NUBPL: variants seen among roughly 807,000 people sequenced by gnomAD.
NUBPL encodes NUBP iron-sulfur cluster assembly factor, mitochondrial.
Under a neutral mutation model 45.7 loss-of-function variants are expected in NUBPL, and 31 were observed. That is an observed-to-expected ratio of 0.68 (90% confidence interval 0.51 to 0.92). The LOEUF (loss-of-function observed/expected upper bound fraction) is 0.92, where lower values mean the gene tolerates loss of function less well. NUBPL is among the 40% of genes least tolerant of loss of function. The pLI, the probability that NUBPL is intolerant of heterozygous loss-of-function variation, is 0.00. For missense variants in NUBPL, 401 were observed against 398.7 expected (o/e 1.01, Z -0.05); for synonymous variants, 144 against 140.9 (o/e 1.02, Z -0.15).
intron 4 of NUBPL, among the ~76,000 whole-genome samples, chr14:31,613,879 A>G (rs943098171): frequency 2.0e-5 from 3 of 152,128 alleles, no homozygotes; most frequent in South Asian, 4.1e-4. Context: ...AAATATATAC[A>G]TACTATGTAC....
chr14:31,718,214 A>G (rs2037731651), intron 6 of NUBPL, among the ~76,000 whole-genome samples: 1 of 152,140 alleles, frequency 6.6e-6, no homozygotes, highest in South Asian at 2.1e-4. Context: ...CTGCTATCTC[A>G]CTGTTTGACC....
intron 10 of NUBPL, among the ~76,000 whole-genome samples, chr14:31,856,681 C>T (rs571127864): frequency 1.2e-4 from 18 of 152,190 alleles, no homozygotes; most frequent in Non-Finnish European, 2.2e-4. Context: ...AAAGGGGCTA[C>T]AGGCCCCATG....
At chr14:31,579,502 G>A (rs1441787881) in intron 3 of NUBPL, among the ~76,000 whole-genome samples, 1 of 152,128 alleles carries the variant, frequency 6.6e-6, no homozygotes, top group African/African-American at 2.4e-5. Context: ...AATAACAAAT[G>A]CTAATTTTCC....
chr14:31,681,864 G>A lies in NUBPL; in HGVS notation c.513+8290G>A, dbSNP rs1401052632. Among the ~76,000 whole-genome samples the A allele has an allele frequency of 2.0e-5, 3 of 152,128 alleles. No homozygotes were observed. In the East Asian group the frequency reaches 5.8e-4, roughly 29 times the overall value. On this transcript the variant is annotated intron_variant, in intron 6 of 10. Transcript: ENST00000281081. Reference sequence around the variant, plus strand: ...TAACTTAATGGCATTGATTTCTAGTGTAATTTTGTTTTGGCTAGAGAATAC... The same window carrying A: ...TAACTTAATGGCATTGATTTCTAGTATAATTTTGTTTTGGCTAGAGAATAC...
chr14:31,649,932 T>C (rs562980705), intron 4 of NUBPL, among the ~76,000 whole-genome samples: 1 of 152,282 alleles, frequency 6.6e-6, no homozygotes, highest in Non-Finnish European at 1.5e-5. Context: ...CAATCTCCGC[T>C]CACTGCAACC....
intron 6 of NUBPL, among the ~76,000 whole-genome samples, chr14:31,707,501 C>G (rs1450441682): frequency 6.6e-6 from 1 of 152,190 alleles, no homozygotes; most frequent in Non-Finnish European, 1.5e-5. Context: ...GACTTTTTGT[C>G]TCTCTGGTTC....
chr14:31,787,014 G>A (rs1395226913), intron 6 of NUBPL, among the ~76,000 whole-genome samples: 1 of 152,196 alleles, frequency 6.6e-6, no homozygotes, highest in East Asian at 1.9e-4. Flanking sequence ...AAAGAGAGAA[G>A]TGGGTGTGTT....
At chr14:31,576,151 A>G (rs2033711290) in intron 3 of NUBPL, among the ~76,000 whole-genome samples, 1 of 152,208 alleles carries the variant, frequency 6.6e-6, no homozygotes, top group Non-Finnish European at 1.5e-5. Context: ...TGACATCTAC[A>G]CACACACTTT....
chr14:31,703,800 G>A (rs571822549), intron 6 of NUBPL, among the ~76,000 whole-genome samples: 47 of 152,288 alleles, frequency 3.1e-4, no homozygotes, highest in African/African-American at 1.1e-3. Context: ...GGGCTCAATC[G>A]CCCAATACCT....
intron 8 of NUBPL, among the ~76,000 whole-genome samples, chr14:31,840,575 C>CA (rs1179425932): frequency 0.16 from 14,122 of 90,812 alleles, 957 homozygotes; most frequent in Middle Eastern, 0.23. Flanking sequence ...CTCCACATCT[C>CA]AAAAAAAAAA....
At chr14:31,597,880 A>C (rs2139551454) in intron 3 of NUBPL, among the ~76,000 whole-genome samples, 1 of 152,248 alleles carries the variant, frequency 6.6e-6, no homozygotes, top group East Asian at 1.9e-4. Context: ...AGGTCCCCTC[A>C]TTTGAAAATC....
chr14:31,615,627 T>A, intron 4 of NUBPL, among the ~76,000 whole-genome samples: 1 of 152,224 alleles, frequency 6.6e-6, no homozygotes, highest in East Asian at 1.9e-4. Context: ...GGACATGAAC[T>A]CACCTTCTTT....
chr14:31,818,898 A>G (rs922142251), intron 7 of NUBPL, among the ~76,000 whole-genome samples: 1 of 152,202 alleles, frequency 6.6e-6, no homozygotes, highest in Non-Finnish European at 1.5e-5. Flanking sequence ...GAGCAAAATA[A>G]TGATTCATTT....
At position 31,804,401 on chromosome 14, in the gene NUBPL, T is replaced by G. The variant is rs183953805; in HGVS notation, c.607+16528T>G. ...AAGTATGACATGAAAAGGAGCAGGA[T>G]TTTAAAAGCTTCCCCAGATGATTCT... On this transcript the variant is annotated intron_variant, in intron 7 of 10. Transcript: ENST00000281081. Among the ~76,000 whole-genome samples, 707 of 152,250 alleles carry G rather than the reference T, an allele frequency of 4.6e-3. 4 individuals carry two copies. The highest frequency in any genetic ancestry group is 8.0e-3 in the Non-Finnish European group (544 of 68,010).
intron 6 of NUBPL, among the ~76,000 whole-genome samples, chr14:31,698,113 A>T (rs1281306854): frequency 1.3e-4 from 20 of 152,128 alleles, no homozygotes; most frequent in Admixed American, 1.3e-3. Flanking sequence ...TCAAATTTTA[A>T]TATCTCTGAA....
chr14:31,618,666 G>A (rs1018365859), intron 4 of NUBPL, among the ~76,000 whole-genome samples: 2 of 152,082 alleles, frequency 1.3e-5, no homozygotes, highest in African/African-American at 4.8e-5. Flanking sequence ...CTGTTCTTTT[G>A]CATTTGTTGA....
chr14:31,748,095 A>G (rs975994516), intron 6 of NUBPL, among the ~76,000 whole-genome samples: 1 of 152,084 alleles, frequency 6.6e-6, no homozygotes, highest in African/African-American at 2.4e-5. Context: ...ATTTCCCTGT[A>G]TTTGTACTAT....
chr14:31,705,918 T>C (rs914175699), intron 6 of NUBPL, among the ~76,000 whole-genome samples: 4 of 152,168 alleles, frequency 2.6e-5, no homozygotes, highest in Non-Finnish European at 4.4e-5. Flanking sequence ...TGTGCTCACC[T>C]GGAACCCGCA....
chr14:31,739,082 C>T (rs2038221103), intron 6 of NUBPL, among the ~76,000 whole-genome samples: 1 of 150,804 alleles, frequency 6.6e-6, no homozygotes, highest in African/African-American at 2.4e-5. Flanking sequence ...GGCGCAATCT[C>T]AGCTCACTGC....
Sources: allele counts gnomAD v4.1 joint callset (sites outside exome capture counted in the v4.1 genomes callset), GRCh38; gene constraint gnomAD v4.1.1; transcripts MANE v1.5; gene names NCBI Gene and HGNC (gene_info 2026-07-23, HGNC 2026-07-21).